The following LYRM4 variants were observed in gnomAD, a reference collection of about 807,000 sequenced individuals.
The protein encoded by LYRM4 is LYR motif-containing protein 4.
In LYRM4, 9 loss-of-function variants were observed where a neutral mutation model predicts 11.7. That is an observed-to-expected ratio of 0.77 (90% CI 0.46 to 1.34). The LOEUF (loss-of-function observed/expected upper bound fraction) is 1.34, where lower values mean the gene tolerates loss of function less well. Among genes scored for constraint, LYRM4 ranks in the 40% most tolerant of loss-of-function variants. The probability of loss-of-function intolerance (pLI) is 0.00; values close to 1 mark genes in which losing one functional copy is unlikely to be tolerated. For synonymous variants in LYRM4, 42 were observed against 40.4 expected (o/e 1.04, Z -0.15); for missense variants, 133 against 112.5 (o/e 1.18, Z -0.82).
chr6:5,033,295 C>T, the LYRM4 span: 6 of 152,118 alleles, frequency 3.9e-5, no homozygotes, highest in East Asian at 3.9e-4. Context: ...TCCTGCCACA[C>T]GGAATCTTTA....
intron 2 of LYRM4, among the ~76,000 whole-genome samples, chr6:5,205,538 T>C (rs1461102827): frequency 1.3e-5 from 2 of 149,380 alleles, no homozygotes; most frequent in African/African-American, 2.5e-5. Context: ...CAATGTCTTA[T>C]AAAAAAAAAC....
At chr6:5,096,154 AC>A in the LYRM4 span, among the ~76,000 whole-genome samples, 1 of 152,252 alleles carries the variant, frequency 6.6e-6, no homozygotes, top group African/African-American at 2.4e-5. Flanking sequence ...TGAGTTTTAA[AC>A]CATTTCACAA....
At chr6:5,076,785 C>A in the LYRM4 span, among the ~76,000 whole-genome samples, 43 of 152,296 alleles carry the variant, frequency 2.8e-4, no homozygotes, top group South Asian at 4.1e-4. Flanking sequence ...AGGAACTGTT[C>A]TGCTGAAAAT....
rs562524651 is a variant in LYRM4, at chr6:5,170,531, C to T, written c.207+46087G>A. Among the ~76,000 whole-genome samples, 690 of 152,178 alleles carry T rather than the reference C, an allele frequency of 4.5e-3. 3 individuals carry two copies. The highest frequency in any genetic ancestry group is 0.015 in the African/African-American group (641 of 41,524). On this transcript the variant is annotated intron_variant, in intron 2 of 2. Transcript: ENST00000330636. ...ATTTAATATTTTTGAGACGGAGTCT[C>T]GCTCTGTTGCCCAGACTGGAGTGCA...
intron 2 of LYRM4, among the ~76,000 whole-genome samples, chr6:5,156,545 C>A: frequency 6.6e-6 from 1 of 152,228 alleles, no homozygotes; most frequent in East Asian, 1.9e-4. Flanking sequence ...AGCAATGGTG[C>A]ACGTGTGGAA....
intron 2 of LYRM4, among the ~76,000 whole-genome samples, chr6:5,160,435 T>C (rs934690553): frequency 6.6e-6 from 1 of 152,054 alleles, no homozygotes; most frequent in Non-Finnish European, 1.5e-5. Context: ...TGGGAGGTAA[T>C]TGAATCATGG....
chr6:5,149,528 T>C (rs1242480788), intron 2 of LYRM4, among the ~76,000 whole-genome samples: 1 of 151,620 alleles, frequency 6.6e-6, no homozygotes. Flanking sequence ...AAACCACTGA[T>C]CCTTATTGCT....
At chr6:5,161,809 C>T (rs114744836) in intron 2 of LYRM4, among the ~76,000 whole-genome samples, 2,621 of 152,240 alleles carry the variant, frequency 0.017, 69 homozygotes, top group African/African-American at 0.057. Context: ...GAAGGAAAGA[C>T]GAAGGGACAC....
the LYRM4 span, among the ~76,000 whole-genome samples, chr6:5,060,565 T>A: frequency 6.6e-6 from 1 of 151,872 alleles, no homozygotes; most frequent in Non-Finnish European, 1.5e-5. Context: ...AGTGGTACCA[T>A]CTCCATAGCA....
At chr6:5,157,363 A>G (rs114925885) in intron 2 of LYRM4, among the ~76,000 whole-genome samples, 2,019 of 152,324 alleles carry the variant, frequency 0.013, 23 homozygotes, top group Middle Eastern at 0.082. Flanking sequence ...TTGGTAGGTT[A>G]TTGCCAGGTT....
At chr6:5,032,180 T>C in the LYRM4 span, 1 of 152,228 alleles carries the variant, frequency 6.6e-6, no homozygotes, top group East Asian at 1.9e-4. Flanking sequence ...ATTAATTAAC[T>C]ATGAGCGTCT....
At chr6:5,194,590 T>G (rs938908779) in intron 2 of LYRM4, among the ~76,000 whole-genome samples, 1 of 152,236 alleles carries the variant, frequency 6.6e-6, no homozygotes, top group Non-Finnish European at 1.5e-5. Context: ...TTAAGTCCTA[T>G]AAAAACATCA....
chr6:5,253,853 C>CGTTTTGAAGT (rs1284409651), intron 1 of LYRM4, among the ~76,000 whole-genome samples: 1 of 149,998 alleles, frequency 6.7e-6, no homozygotes, highest in South Asian at 2.1e-4. Context: ...AAAAAACCAT[C>CGTTTTGAAGT]GTTTTGAAGT....
chr6:5,241,870 TGC>T (rs1763902219), intron 1 of LYRM4, among the ~76,000 whole-genome samples: 2 of 80,186 alleles, frequency 2.5e-5, no homozygotes, highest in Admixed American at 2.5e-4. Flanking sequence ...TGATACATCG[TGC>T]CATTGGCCTG....
chr6:5,205,233 A>C (rs1175790926), intron 2 of LYRM4, among the ~76,000 whole-genome samples: 1 of 150,430 alleles, frequency 6.6e-6, no homozygotes, highest in East Asian at 1.9e-4. Flanking sequence ...AGAAAGGGGC[A>C]GGAAGGTCAC....
chr6:5,171,389 C>G (rs548030785), intron 2 of LYRM4, among the ~76,000 whole-genome samples: 3 of 152,216 alleles, frequency 2.0e-5, no homozygotes, highest in Non-Finnish European at 2.9e-5. Context: ...AACTGTGAAT[C>G]ACTAAAGCCA....
intron 2 of LYRM4, among the ~76,000 whole-genome samples, chr6:5,119,101 T>C (rs1402165714): frequency 6.6e-6 from 1 of 152,172 alleles, no homozygotes; most frequent in African/African-American, 2.4e-5. Context: ...ACACTCCATC[T>C]CCATCCTTCC....
At chr6:5,245,159 T>A (rs867195876) in intron 1 of LYRM4, among the ~76,000 whole-genome samples, 27 of 75,278 alleles carry the variant, frequency 3.6e-4, no homozygotes, top group African/African-American at 1.2e-3. Context: ...TATATATATA[T>A]ATATAAAATA....
chr6:5,113,131 G>A (rs1168982247), intron 2 of LYRM4: 2 of 228,338 alleles, frequency 8.8e-6, no homozygotes, highest in African/African-American at 4.7e-5. Flanking sequence ...CCCAGTTAAG[G>A]GGCCAGTAAG....
Sources: gnomAD v4.1 joint callset for allele counts (sites outside exome capture counted in the v4.1 genomes callset) on GRCh38, gnomAD v4.1.1 for gene constraint, MANE v1.5 for transcripts, NCBI Gene and HGNC (gene_info 2026-07-23, HGNC 2026-07-21) for gene names.